MRPL13: variants seen among roughly 807,000 people sequenced by gnomAD.
MRPL13 encodes the protein mitochondrial ribosomal protein L13.
MRPL13 carries 33 observed loss-of-function variants against 29.0 expected under a neutral mutation model. The observed-to-expected ratio is 1.14, with a 90% CI of 0.86 to 1.52. The LOEUF (loss-of-function observed/expected upper bound fraction) is 1.52. Ranked by LOEUF, MRPL13 falls within the 40% of genes most tolerant of loss-of-function variation. MRPL13 has a pLI of 0.00. For synonymous variants in MRPL13, 77 were observed against 68.4 expected, an observed-to-expected ratio of 1.13 and a Z score of -0.62; for missense variants, 227 against 216.7, an observed-to-expected ratio of 1.05 and a Z score of -0.30.
chr8:120,429,736 A>C (rs1353832178), intron 3 of MRPL13, among the ~76,000 whole-genome samples: 1 of 152,158 alleles, frequency 6.6e-6, no homozygotes, highest in Non-Finnish European at 1.5e-5. Flanking sequence ...GACTAGTTCC[A>C]GGACCTCCTG....
intron 3 of MRPL13, among the ~76,000 whole-genome samples, chr8:120,429,597 G>A (rs1008610624): frequency 7.3e-5 from 11 of 151,614 alleles, no homozygotes; most frequent in Non-Finnish European, 8.8e-5. Flanking sequence ...ATCAAGTATC[G>A]TAAATCATTT....
intron 6 of MRPL13, among the ~76,000 whole-genome samples, chr8:120,408,203 C>T (rs1228687527): frequency 6.6e-6 from 1 of 152,062 alleles, no homozygotes. Context: ...AGATCCAGAC[C>T]TACAGATCAA....
intron 3 of MRPL13, among the ~76,000 whole-genome samples, chr8:120,425,595 A>AT (rs780960151): frequency 3.9e-5 from 6 of 152,332 alleles, no homozygotes; most frequent in Admixed American, 1.3e-4. Context: ...ATTTATTGGC[A>AT]TAAGTATATT....
chr8:120,409,619 C>A (rs1054463338), intron 6 of MRPL13, among the ~76,000 whole-genome samples: 3 of 151,980 alleles, frequency 2.0e-5, no homozygotes, highest in African/African-American at 7.2e-5. Context: ...TTGCACATTG[C>A]AAATACATAT....
intron 5 of MRPL13, chr8:120,414,361 CAA>C (rs1303059921): frequency 8.5e-6 from 2 of 236,444 alleles, no homozygotes; most frequent in African/African-American, 2.3e-5. Flanking sequence ...TTTTCAATTG[CAA>C]AAAGACACTG....
intron 2 of MRPL13, among the ~76,000 whole-genome samples, chr8:120,436,616 T>C (rs181874156): frequency 2.0e-5 from 3 of 152,176 alleles, no homozygotes; most frequent in Non-Finnish European, 4.4e-5. Flanking sequence ...TTCCCCTTTA[T>C]AGGGTTGAAT....
chr8:120,425,392 A>C, intron 3 of MRPL13, 26 bp from the exon 4 acceptor site: 1 of 1,531,568 alleles, frequency 6.5e-7, no homozygotes, highest in Non-Finnish European at 9.0e-7. Context: ...AAGACATTAA[A>C]ACTGGGCATA....
Position 120,432,053 on chromosome 8 carries a change from T to G in MRPL13, c.222A>C (p.Gln74His), listed in dbSNP as rs149721671. 47 of 1,608,576 alleles carry G rather than the reference T, an allele frequency of 2.9e-5. No homozygotes were observed. Among genetic ancestry groups the G allele is most frequent in the Middle Eastern group, 3.3e-4 (2 of 6,056 alleles). ...HIAFSGNKWEQKVYSSHTGYP... is the reference protein window; with the variant it reads ...HIAFSGNKWEHKVYSSHTGYP... ...ACCCAGTATGCGAAGAGTATACTTT[T>G]TGTTCCCATTTGTTTCCAGAAAATG... The change falls in exon 3 of 7, where the codon CAA becomes CAC. Residue 74 changes from glutamine (Q) to histidine (H), a missense_variant. Gln to His is a conservative substitution (Grantham distance 24). Coordinates refer to ENST00000306185, the MANE Select transcript of MRPL13 (RefSeq NM_014078.6).
intron 3 of MRPL13, 145 bp downstream of exon 3, chr8:120,431,885 G>T: frequency 1.9e-6 from 1 of 526,538 alleles, no homozygotes; most frequent in Non-Finnish European, 3.1e-6. Flanking sequence ...TTTAAAAATT[G>T]AGTAAATTAT....
At chr8:120,440,595 ACTCTCT>A (rs75630272) in intron 2 of MRPL13, among the ~76,000 whole-genome samples, 2 of 135,356 alleles carry the variant, frequency 1.5e-5, no homozygotes, top group African/African-American at 2.8e-5. Flanking sequence ...ACAAAGTGAG[ACTCTCT>A]CTCTCTCAAA....
intron 6 of MRPL13, among the ~76,000 whole-genome samples, chr8:120,400,839 C>G (rs994260279): frequency 5.5e-4 from 84 of 151,824 alleles, no homozygotes; most frequent in South Asian, 6.2e-4. Flanking sequence ...TGATCCCACA[C>G]AAATACAAAC....
intron 4 of MRPL13, among the ~76,000 whole-genome samples, chr8:120,420,453 T>C (rs1159756425): frequency 2.8e-5 from 4 of 142,122 alleles, no homozygotes; most frequent in African/African-American, 5.7e-5. Flanking sequence ...TAAATATATA[T>C]AAACATATAT....
In MRPL13 at chr8:120,420,589, T is replaced by C. The variant is rs1414159492; in HGVS notation, c.307-651A>G. Among the ~76,000 whole-genome samples the C allele has an allele frequency of 4.6e-5, 7 of 151,240 alleles. 1 individual carries two copies. The highest frequency in any genetic ancestry group is 3.3e-4 in the Admixed American group (5 of 15,134). On this transcript the variant is annotated intron_variant, in intron 4 of 6. Coordinates refer to ENST00000306185, the MANE Select transcript of MRPL13 (RefSeq NM_014078.6). ...CCACATTTCAAGTGGTCGGTTGACATGTAGCTAGTGGCTACCATGTTTGAC... is the reference window on the plus strand; with the variant it reads ...CCACATTTCAAGTGGTCGGTTGACACGTAGCTAGTGGCTACCATGTTTGAC...
chr8:120,410,194 C>G (rs917056700), intron 6 of MRPL13, among the ~76,000 whole-genome samples: 1 of 152,158 alleles, frequency 6.6e-6, no homozygotes, highest in Admixed American at 6.5e-5. Context: ...ACTAGGGCAG[C>G]AAACACCAGA....
chr8:120,441,165 T>C (rs1813119273), intron 2 of MRPL13, among the ~76,000 whole-genome samples: 1 of 151,926 alleles, frequency 6.6e-6, no homozygotes, highest in Admixed American at 6.6e-5. Context: ...AACAGGTTGG[T>C]TTGGGTGAAG....
intron 6 of MRPL13, among the ~76,000 whole-genome samples, chr8:120,408,167 T>C (rs992325737): frequency 6.6e-6 from 1 of 152,202 alleles, no homozygotes; most frequent in South Asian, 2.1e-4. Context: ...CCTTTCTTGA[T>C]TATTCTTTTT....
At chr8:120,412,869 T>C (rs1490397726) in intron 6 of MRPL13, among the ~76,000 whole-genome samples, 1 of 152,194 alleles carries the variant, frequency 6.6e-6, no homozygotes, top group Non-Finnish European at 1.5e-5. Flanking sequence ...ATACCATTTA[T>C]AACTATGTGA....
chr8:120,441,423 T>A (rs916957540), intron 2 of MRPL13, among the ~76,000 whole-genome samples: 11 of 152,066 alleles, frequency 7.2e-5, no homozygotes, highest in African/African-American at 2.4e-4. Context: ...CAATTTTTGG[T>A]GAGAAGAGCA....
chr8:120,437,028 G>A (rs1325580507), intron 2 of MRPL13, among the ~76,000 whole-genome samples: 1 of 151,982 alleles, frequency 6.6e-6, no homozygotes, highest in African/African-American at 2.4e-5. Flanking sequence ...TTAATTTATT[G>A]ACAATATCAA....
Sources: gnomAD v4.1 joint callset for allele counts (sites outside exome capture counted in the v4.1 genomes callset) on GRCh38, gnomAD v4.1.1 for gene constraint, MANE v1.5 for transcripts, NCBI Gene and HGNC (gene_info 2026-07-23, HGNC 2026-07-21) for gene names.